Variants in SLC10A7 observed in about 807,000 individuals in gnomAD.
SLC10A7 encodes the protein solute carrier family 10 member 7.
Under a neutral mutation model 43.2 loss-of-function variants are expected in SLC10A7, and 29 were observed. That is an observed-to-expected ratio of 0.67 (90% CI 0.50 to 0.92). SLC10A7 has a LOEUF of 0.92. Among genes scored for constraint, SLC10A7 ranks in the 40% least tolerant of loss-of-function variants. SLC10A7 has a pLI of 0.00. For missense variants in SLC10A7, 295 were observed against 403.2 expected, an observed-to-expected ratio of 0.73 and a Z score of 2.30; for synonymous variants, 152 against 144.8, an observed-to-expected ratio of 1.05 and a Z score of -0.35.
chr4:146,444,451 C>G (rs1010915991), intron 4 of SLC10A7, among the ~76,000 whole-genome samples: 1 of 152,028 alleles, frequency 6.6e-6, no homozygotes, highest in Non-Finnish European at 1.5e-5. Flanking sequence ...ACTCAGAAGT[C>G]AAAGTAAAAT....
chr4:146,380,199 C>G, intron 5 of SLC10A7, among the ~76,000 whole-genome samples: 1 of 151,970 alleles, frequency 6.6e-6, no homozygotes, highest in Non-Finnish European at 1.5e-5. Flanking sequence ...AATCTACAAC[C>G]CTATCAAAGG....
intron 5 of SLC10A7, among the ~76,000 whole-genome samples, chr4:146,360,725 G>T (rs1221127148): frequency 6.6e-6 from 1 of 152,058 alleles, no homozygotes; most frequent in African/African-American, 2.4e-5. Context: ...CCAAAATGCT[G>T]GGATTACAGG....
At chr4:146,286,770 CTG>C (rs1730007765) in intron 9 of SLC10A7, among the ~76,000 whole-genome samples, 2 of 121,534 alleles carry the variant, frequency 1.6e-5, no homozygotes, top group Admixed American at 8.2e-5. Context: ...GTGAGAAGGA[CTG>C]TGTTTGGAGT....
At chr4:146,296,471 G>T (rs1425228023) in intron 7 of SLC10A7, among the ~76,000 whole-genome samples, 1 of 152,054 alleles carries the variant, frequency 6.6e-6, no homozygotes, top group African/African-American at 2.4e-5. Flanking sequence ...GCAAGAAACA[G>T]GGTCTCCCAG....
At chr4:146,511,966 ACT>A (rs1200467348) in intron 2 of SLC10A7, among the ~76,000 whole-genome samples, 2 of 121,358 alleles carry the variant, frequency 1.6e-5, no homozygotes, top group African/African-American at 6.3e-5. Flanking sequence ...ATTTGCATAT[ACT>A]CTTTTTTTTT....
At position 146,483,806 on chromosome 4, in the gene SLC10A7, A is replaced by G. The variant is rs80229108; in HGVS notation, c.396+20043T>C. ...ATTCCATATAAATGGTAACCAAAAA[A>G]GAGCAGGGTAGCTATACTTATGTAC... On this transcript the variant is annotated intron_variant, in intron 4 of 11. Coordinates refer to ENST00000335472, the MANE Select transcript of SLC10A7 (RefSeq NM_001029998.6). 6.9e-3 allele frequency among the ~76,000 whole-genome samples: 1,052 copies of G among 152,328 alleles called. 10 individuals are homozygous for G. The highest frequency in any genetic ancestry group is 0.024 in the African/African-American group (1,004 of 41,560).
At chr4:146,378,565 T>C (rs948332400) in intron 5 of SLC10A7, among the ~76,000 whole-genome samples, 7 of 152,090 alleles carry the variant, frequency 4.6e-5, no homozygotes, top group Admixed American at 3.9e-4. Flanking sequence ...CATTATAGAG[T>C]ACATAAAAGA....
At chr4:146,446,557 C>T (rs528209553) in intron 4 of SLC10A7, among the ~76,000 whole-genome samples, 139 of 140,958 alleles carry the variant, frequency 9.9e-4, no homozygotes, top group Middle Eastern at 3.5e-3. Context: ...GCCCGGGTGA[C>T]GGAGCAAGAC....
At chr4:146,306,790 CT>C (rs1731608676) in intron 6 of SLC10A7, among the ~76,000 whole-genome samples, 1 of 152,138 alleles carries the variant, frequency 6.6e-6, no homozygotes, top group Non-Finnish European at 1.5e-5. Context: ...AAACCTTCTC[CT>C]GTTTTTCAAA....
rs376849653 is a variant in SLC10A7 at position 146,256,411 on chromosome 4, C to A, written c.*80G>T. 790 of 1,383,132 alleles carry A rather than the reference C, an allele frequency of 5.7e-4. 2 individuals are homozygous for A. The highest frequency in any genetic ancestry group is 7.4e-4 in the Non-Finnish European group (724 of 982,436). The allele number at this position is 1,383,132 out of a possible 1,614,324, so 85.7% of individuals were successfully genotyped here. Reference sequence around the variant, plus strand: ...ATAAAATATGCATTGAGGCAACATTCACAAGTACAAGTCTTCAGAATTGCT... The same window carrying A: ...ATAAAATATGCATTGAGGCAACATTAACAAGTACAAGTCTTCAGAATTGCT... On this transcript the variant is annotated 3_prime_UTR_variant, in exon 12 of 12. Coordinates refer to ENST00000335472, the MANE Select transcript of SLC10A7 (RefSeq NM_001029998.6).
In SLC10A7 at chr4:146,476,054, T is replaced by A. The variant is rs139355046; in HGVS notation, c.396+27795A>T. Among the ~76,000 whole-genome samples the A allele has an allele frequency of 3.0e-3, 464 of 152,174 alleles. 2 individuals are homozygous for A. Among genetic ancestry groups the A allele is most frequent in the African/African-American group, 9.4e-3 (391 of 41,522 alleles). On this transcript the variant is annotated intron_variant, in intron 4 of 11. Transcript: ENST00000335472. ...CAAATCAGAACGCTTCCTGAAAAGC[T>A]ACAGATAGGAGATAGGATGAAGAAA...
chr4:146,422,757 A>G (rs1027280334), intron 5 of SLC10A7, among the ~76,000 whole-genome samples: 5 of 152,118 alleles, frequency 3.3e-5, no homozygotes, highest in Non-Finnish European at 5.9e-5. Flanking sequence ...TGTTTCCTAG[A>G]GAATCAATAA....
intron 5 of SLC10A7, among the ~76,000 whole-genome samples, chr4:146,388,857 C>T (rs1371894554): frequency 1.3e-5 from 2 of 151,222 alleles, no homozygotes; most frequent in Non-Finnish European, 2.9e-5. Flanking sequence ...ACTAAGTCCT[C>T]AAAAGAAAAT....
At chr4:146,425,106 C>T (rs1310341332) in intron 5 of SLC10A7, among the ~76,000 whole-genome samples, 1 of 152,158 alleles carries the variant, frequency 6.6e-6, no homozygotes, top group Non-Finnish European at 1.5e-5. Flanking sequence ...ACTTAACTAA[C>T]TAGTATCTTA....
intron 10 of SLC10A7, among the ~76,000 whole-genome samples, chr4:146,272,479 A>C (rs1578753781): frequency 6.6e-6 from 1 of 152,240 alleles, no homozygotes; most frequent in East Asian, 1.9e-4. Context: ...ATACAAGGGG[A>C]AACTGTTACC....
Position 146,325,976 on chromosome 4 carries a change from C to G in SLC10A7, c.456G>C (p.Leu152=), listed in dbSNP as rs752299364. The G allele has an allele frequency of 1.2e-6, 2 of 1,612,002 alleles. No individual in the cohort carries two copies. The highest frequency in any genetic ancestry group is 1.1e-5 in the South Asian group (1 of 90,592). ...AAATACTCACAAAAAGCAGCAGGAG[C>G]AGGGGTGTTATAACGATGCCCTGAA... The part of the protein sequence containing the change: ...GSFLGIVITP[L]LLLLFLGSSS... Residue 152 remains leucine, a synonymous_variant, in exon 6 of 12, where the codon CTG becomes CTC. Coordinates refer to ENST00000335472, the MANE Select transcript of SLC10A7 (RefSeq NM_001029998.6).
intron 4 of SLC10A7, among the ~76,000 whole-genome samples, chr4:146,455,817 C>A (rs1165060590): frequency 1.3e-5 from 2 of 151,882 alleles, no homozygotes; most frequent in African/African-American, 4.8e-5. Flanking sequence ...AAAATCTATA[C>A]TGTAAATCAT....
chr4:146,515,255 T>G, intron 2 of SLC10A7: 1 of 680,736 alleles, frequency 1.5e-6, no homozygotes, highest in Non-Finnish European at 2.7e-6. Flanking sequence ...ACGCCCCAAG[T>G]AAAGGACTTG....
At chr4:146,271,505 T>C (rs140131965) in intron 10 of SLC10A7, among the ~76,000 whole-genome samples, 32 of 152,282 alleles carry the variant, frequency 2.1e-4, no homozygotes, top group Middle Eastern at 3.4e-3. Context: ...GATAAAAGCC[T>C]CTCTCTTGAG....
Sources: allele counts gnomAD v4.1 joint callset (sites outside exome capture counted in the v4.1 genomes callset), GRCh38; gene constraint gnomAD v4.1.1; transcripts MANE v1.5; gene names NCBI Gene and HGNC (gene_info 2026-07-23, HGNC 2026-07-21).